The following SEC22A variants were observed in gnomAD, a reference collection of about 807,000 sequenced individuals.
SEC22A encodes the protein SEC22 homolog A, vesicle trafficking protein, also known as vesicle-trafficking protein SEC22a.
A neutral mutation model predicts 35.3 loss-of-function variants in SEC22A; 22 were observed. The observed-to-expected ratio is 0.62, with a 90% CI of 0.45 to 0.89. The LOEUF is 0.89. Among genes scored for constraint, SEC22A ranks in the 40% least tolerant of loss-of-function variants. SEC22A has a pLI of 0.00. For missense variants in SEC22A, 354 were observed against 362.5 expected (o/e 0.98, Z 0.19); for synonymous variants, 119 against 129.5 (o/e 0.92, Z 0.55).
chr3:123,262,537 G>C (rs1047214659), intron 6 of SEC22A, among the ~76,000 whole-genome samples: 2 of 152,068 alleles, frequency 1.3e-5, no homozygotes, highest in South Asian at 2.1e-4. Flanking sequence ...TATGTTTCAG[G>C]TACTCACATG....
chr3:123,232,458 A>G (rs1445547157), intron 4 of SEC22A, among the ~76,000 whole-genome samples: 2 of 152,212 alleles, frequency 1.3e-5, no homozygotes, highest in African/African-American at 4.8e-5. Flanking sequence ...AAAACTACCC[A>G]CAAAGAAAAC....
intron 4 of SEC22A, among the ~76,000 whole-genome samples, chr3:123,232,897 C>G (rs1937346676): frequency 6.6e-6 from 1 of 152,152 alleles, no homozygotes; most frequent in South Asian, 2.1e-4. Flanking sequence ...CTTTGGGAGA[C>G]TGAGGCAGGA....
At chr3:123,234,153 T>C (rs1020546195) in intron 4 of SEC22A, among the ~76,000 whole-genome samples, 3 of 152,230 alleles carry the variant, frequency 2.0e-5, no homozygotes, top group African/African-American at 7.2e-5. Context: ...ACAAATAGTC[T>C]CATGTTCATG....
intron 2 of SEC22A, among the ~76,000 whole-genome samples, chr3:123,218,948 G>A (rs1345189045): frequency 6.6e-6 from 1 of 152,128 alleles, no homozygotes; most frequent in African/African-American, 2.4e-5. Context: ...GAGAGACATT[G>A]CAACAAAAAT....
At position 123,255,757 on chromosome 3, in the gene SEC22A, A is replaced by G. The variant is rs368214035; in HGVS notation, c.658-3767A>G. 9.0e-4 allele frequency among the ~76,000 whole-genome samples: 137 copies of G among 152,290 alleles called. 1 individual carries two copies. The highest frequency in any genetic ancestry group is 3.1e-3 in the African/African-American group (130 of 41,586). On this transcript the variant is annotated intron_variant, in intron 5 of 6. Coordinates refer to ENST00000492595, the MANE Select transcript of SEC22A (RefSeq NM_012430.5). Reference sequence around the variant, plus strand: ...ATTTCACATCAGTACACGGAGATCTATTCTTTTTAGTGGCCGCATGACTTT... The same window carrying G: ...ATTTCACATCAGTACACGGAGATCTGTTCTTTTTAGTGGCCGCATGACTTT...
chr3:123,256,488 C>T (rs1177169927), intron 5 of SEC22A, among the ~76,000 whole-genome samples: 2 of 152,160 alleles, frequency 1.3e-5, no homozygotes, highest in East Asian at 1.9e-4. Flanking sequence ...GTACGCACTA[C>T]TTCCTTTGCC....
In SEC22A at chr3:123,271,961, A is replaced by G. The variant is rs944189375; in HGVS notation, c.*239A>G. On this transcript the variant is annotated 3_prime_UTR_variant, in exon 7 of 7. Transcript: ENST00000492595. The stretch of plus-strand genomic sequence containing the variant: ...GGGGATTTCTCTCTTCAAGGCCGTA[A>G]CAGTGGAAGAACAGTCATATGCCAT... The G allele has an allele frequency of 9.6e-6, 5 of 521,990 alleles. No homozygotes were observed. The highest frequency in any genetic ancestry group is 1.7e-5 in the Non-Finnish European group (5 of 290,824). The allele number at this position is 521,990 out of a possible 1,614,324, so 32.3% of individuals were successfully genotyped here. A position where few individuals can be genotyped will look rare whatever the true frequency, so the allele number is the denominator to read the frequency against.
chr3:123,220,961 A>G (rs1937112994), intron 2 of SEC22A, among the ~76,000 whole-genome samples: 2 of 150,072 alleles, frequency 1.3e-5, no homozygotes, highest in African/African-American at 4.9e-5. Flanking sequence ...TACATAAGAA[A>G]TTATTACTAA....
chr3:123,207,167 G>A lies in SEC22A; in HGVS notation c.-19-2032G>A, dbSNP rs555109103. On this transcript the variant is annotated intron_variant, in intron 1 of 6. Coordinates refer to ENST00000492595, the MANE Select transcript of SEC22A (RefSeq NM_012430.5). Reference sequence around the variant, plus strand: ...TTTCCTCATGAAAAGAGGAAAAAGGGATAGTGAACTTAATGCATTAGATTT... The same window carrying A: ...TTTCCTCATGAAAAGAGGAAAAAGGAATAGTGAACTTAATGCATTAGATTT... 9.2e-5 allele frequency among the ~76,000 whole-genome samples: 14 copies of A among 152,246 alleles called. 1 individual carries two copies. Among genetic ancestry groups the A allele is most frequent in the African/African-American group, 3.4e-4 (14 of 41,548 alleles).
chr3:123,254,072 C>CT (rs930685028), intron 5 of SEC22A, among the ~76,000 whole-genome samples: 2 of 151,900 alleles, frequency 1.3e-5, no homozygotes, highest in Non-Finnish European at 1.5e-5. Flanking sequence ...CCATTATGTC[C>CT]TTTTTTCACT....
At chr3:123,236,846 C>A (rs1032935497) in intron 4 of SEC22A, among the ~76,000 whole-genome samples, 1 of 151,862 alleles carries the variant, frequency 6.6e-6, no homozygotes, top group South Asian at 2.1e-4. Context: ...TATGCACGAT[C>A]TGATAGAAAC....
chr3:123,204,932 T>G (rs770070225), intron 1 of SEC22A: 3 of 152,240 alleles, frequency 2.0e-5, no homozygotes, highest in Non-Finnish European at 2.9e-5. Context: ...CACTGGTTCT[T>G]CCTTGGGATT....
Position 123,223,703 on chromosome 3 carries a change from A to G in SEC22A, c.327A>G (p.Pro109=), listed in dbSNP as rs936857264. ...TGAAGACAAATACTGCTGTCAGACC[A>G]TACTGTTTCATTGAATTTGGTAAGG... ...NMMKTNTAVR[P]YCFIEFDNFI... is the part of the protein sequence containing the mutation. The change falls in exon 3 of 7, where the codon CCA becomes CCG. Residue 109 remains proline, a synonymous_variant. Transcript: ENST00000492595. 2 of 1,612,488 alleles carry G rather than the reference A, an allele frequency of 1.2e-6. No homozygotes were observed. Among genetic ancestry groups the G allele is most frequent in the East Asian group, 2.2e-5 (1 of 44,826 alleles).
At chr3:123,267,124 C>T (rs1227510706) in intron 6 of SEC22A, among the ~76,000 whole-genome samples, 3 of 152,012 alleles carry the variant, frequency 2.0e-5, no homozygotes, top group African/African-American at 7.2e-5. Flanking sequence ...CCATCCTTTA[C>T]TTTGAACTTT....
intron 5 of SEC22A, among the ~76,000 whole-genome samples, chr3:123,246,324 A>G (rs1046761272): frequency 1.3e-5 from 2 of 152,194 alleles, no homozygotes; most frequent in Non-Finnish European, 2.9e-5. Context: ...GTAATTGCCA[A>G]ATACACAGAG....
chr3:123,227,916 T>C (rs1937243571), intron 4 of SEC22A, among the ~76,000 whole-genome samples: 1 of 145,376 alleles, frequency 6.9e-6, no homozygotes, highest in Admixed American at 7.0e-5. Flanking sequence ...ACCACTGCAC[T>C]CCAGCCTGGG....
intron 5 of SEC22A, among the ~76,000 whole-genome samples, chr3:123,259,073 AATC>A (rs1937816359): frequency 1.3e-5 from 2 of 152,248 alleles, no homozygotes; most frequent in Non-Finnish European, 2.9e-5. Flanking sequence ...TTTTTAAAAA[AATC>A]ATATCAAATT....
At chr3:123,215,818 G>A (rs940469927) in intron 2 of SEC22A, among the ~76,000 whole-genome samples, 2 of 152,110 alleles carry the variant, frequency 1.3e-5, no homozygotes, top group African/African-American at 4.8e-5. Context: ...TTTATGGAGA[G>A]AGAAATGAAC....
chr3:123,245,107 A>C (rs1349495246), intron 4 of SEC22A, among the ~76,000 whole-genome samples: 1 of 152,178 alleles, frequency 6.6e-6, no homozygotes, highest in East Asian at 1.9e-4. Flanking sequence ...ATTGCTGATT[A>C]TATATGAGCT....
Sources: gnomAD v4.1 joint callset for allele counts (sites outside exome capture counted in the v4.1 genomes callset) on GRCh38, gnomAD v4.1.1 for gene constraint, MANE v1.5 for transcripts, NCBI Gene and HGNC (gene_info 2026-07-23, HGNC 2026-07-21) for gene names.